The following SP1 variants were observed in gnomAD, a reference collection of about 807,000 sequenced individuals.
SP1 encodes the protein Sp1 transcription factor.
SP1 carries 6 observed loss-of-function variants against 66.3 expected under a neutral mutation model. The ratio of observed to expected loss-of-function variants is 0.09; its 90% confidence interval spans 0.05 to 0.18. The LOEUF is 0.18. Among genes scored for constraint, SP1 ranks in the 10% least tolerant of loss-of-function variants. The pLI, the probability that SP1 is intolerant of heterozygous loss-of-function variation, is 1.00. For synonymous variants in SP1, 417 were observed against 360.8 expected, an observed-to-expected ratio of 1.16 and a Z score of -1.77; for missense variants, 848 against 964.5, an observed-to-expected ratio of 0.88 and a Z score of 1.60.
chr12:53,380,548 G>A (rs1379532158), intron 1 of SP1: 4 of 683,532 alleles, frequency 5.9e-6, no homozygotes, highest in Non-Finnish European at 3.8e-6. Flanking sequence ...TGCCCGCCCC[G>A]GCCACGGGGG....
In SP1 at chr12:53,383,496, A is replaced by G. The variant is rs955320750; in HGVS notation, c.1549A>G (p.Thr517Ala). Residue 517 changes from threonine (T) to alanine (A), a missense_variant, in exon 3 of 6, where the codon ACT (threonine) becomes GCT (alanine). This residue lies in a region of SP1 where 606 missense variants were observed against 589.9 expected (regional missense o/e 1.03). Coordinates refer to ENST00000327443, the MANE Select transcript of SP1 (RefSeq NM_138473.3). Reference sequence around the variant, plus strand: ...TGCTTCCATTCCTGCTGGCACAGTCACTGTGAATGCTGCTCAACTCTCCTC... The same window carrying G: ...TGCTTCCATTCCTGCTGGCACAGTCGCTGTGAATGCTGCTCAACTCTCCTC... ...SAASIPAGTV[T>A]VNAAQLSSMP... 4 of 1,614,162 alleles carry G rather than the reference A, an allele frequency of 2.5e-6. No individual in the cohort carries two copies. Among genetic ancestry groups the G allele is most frequent in the Non-Finnish European group, 3.4e-6 (4 of 1,180,032 alleles).
At chr12:53,388,888 G>C (rs1431522065) in intron 3 of SP1, among the ~76,000 whole-genome samples, 4 of 151,756 alleles carry the variant, frequency 2.6e-5, no homozygotes, top group African/African-American at 9.7e-5. Context: ...GCTGAGGTGG[G>C]AGGATTGCCT....
rs1423508015 is a variant in SP1 at position 53,411,103 on chromosome 12, T to C, written c.2221T>C (p.Ser741Pro). Reference protein sequence around the residue: ...GSEGSGTATPSALITTNMVAM... With the variant: ...GSEGSGTATPPALITTNMVAM... ...AGAAGGCAGTGGCACTGCCACTCCT[T>C]CAGCCCTTATTACCACCAATATGGT... The change falls in exon 6 of 6, where the codon TCA (serine) becomes CCA (proline). Residue 741 changes from serine to proline, a missense_variant. This residue lies in a region of SP1 where 73 missense variants were observed against 91.9 expected (regional missense o/e 0.79). Coordinates refer to ENST00000327443, the MANE Select transcript of SP1 (RefSeq NM_138473.3). 6.2e-7 allele frequency: 1 copy of C among 1,614,218 alleles called. No individual in the cohort carries two copies. The highest frequency in any genetic ancestry group is 1.7e-5 in the Admixed American group (1 of 60,028).
rs761474696 is a variant in SP1, at chr12:53,380,252, C to T, written c.-40C>T. 23 of 1,519,088 alleles carry T rather than the reference C, an allele frequency of 1.5e-5. No individual in the cohort carries two copies. Among genetic ancestry groups the T allele is most frequent in the Non-Finnish European group, 2.1e-5 (23 of 1,096,482 alleles). The allele number at this position is 1,519,088 out of a possible 1,614,324, so 94.1% of individuals were successfully genotyped here. A position where few individuals can be genotyped will look rare whatever the true frequency, so the allele number is the denominator to read the frequency against. ...TTTTTCCCGGCCCCCCCCAACCCCC[C>T]CGGACAGGACCCCCTTGAGCTTGTC... On this transcript the variant is annotated 5_prime_UTR_variant, in exon 1 of 6. Transcript: ENST00000327443.
chr12:53,393,347 C>T (rs941287152), intron 3 of SP1, among the ~76,000 whole-genome samples: 1 of 150,562 alleles, frequency 6.6e-6, no homozygotes, highest in Non-Finnish European at 1.5e-5. Flanking sequence ...TGCCCAGGCG[C>T]GATCTCTGCT....
At chr12:53,400,435 T>G (rs1938585821) in intron 3 of SP1, among the ~76,000 whole-genome samples, 2 of 152,230 alleles carry the variant, frequency 1.3e-5, no homozygotes, top group Admixed American at 6.5e-5. Context: ...TTGGGTTGTT[T>G]CTGTGTTTTA....
intron 3 of SP1, among the ~76,000 whole-genome samples, chr12:53,395,072 G>T (rs1464357231): frequency 1.3e-5 from 2 of 152,108 alleles, no homozygotes; most frequent in Non-Finnish European, 2.9e-5. Context: ...CAAGTGCAGT[G>T]GCTCATGTCT....
intron 3 of SP1, among the ~76,000 whole-genome samples, chr12:53,389,110 A>G (rs1450701534): frequency 6.6e-6 from 1 of 152,060 alleles, no homozygotes; most frequent in Admixed American, 6.6e-5. Flanking sequence ...TGTATGATAC[A>G]TGTATATATC....
intron 3 of SP1, among the ~76,000 whole-genome samples, chr12:53,395,509 A>G (rs1272047468): frequency 1.3e-5 from 2 of 152,244 alleles, no homozygotes; most frequent in Non-Finnish European, 2.9e-5. Context: ...GCTGAACACC[A>G]GTATACTTAG....
At chr12:53,387,425 A>G (rs1335805490) in intron 3 of SP1, among the ~76,000 whole-genome samples, 1 of 152,170 alleles carries the variant, frequency 6.6e-6, no homozygotes, top group Non-Finnish European at 1.5e-5. Flanking sequence ...AAGTTCCCTG[A>G]TTTCTTACAT....
chr12:53,381,659 A>G lies in SP1; in HGVS notation c.8A>G (p.Asp3Gly), dbSNP rs1369057092. Residue 3 changes from aspartate (D) to glycine (G), a missense_variant and splice_region_variant, in exon 2 of 6, where the codon GAC becomes GGC. This residue lies in a region of SP1 where 84 missense variants were observed against 73.9 expected (regional missense o/e 1.14). Coordinates refer to ENST00000327443, the MANE Select transcript of SP1 (RefSeq NM_138473.3). ...GTTGTTTGTTTTTTAATTATTTTAG[A>G]CCAAGATCACTCCATGGATGAAATG... is the stretch of plus-strand genomic sequence containing the variant. MS[D>G]QDHSMDEMTA... The G allele has an allele frequency of 6.2e-7, 1 of 1,604,584 alleles. No homozygotes were observed. The highest frequency in any genetic ancestry group is 1.3e-5 in the African/African-American group (1 of 74,160).
At chr12:53,409,962 A>G (rs1938841030) in intron 5 of SP1, among the ~76,000 whole-genome samples, 1 of 151,870 alleles carries the variant, frequency 6.6e-6, no homozygotes, top group African/African-American at 2.4e-5. Context: ...ATGAGCCAAG[A>G]TCGTGCCACT....
Position 53,411,179 on chromosome 12 carries a change from G to A in SP1, c.2297G>A (p.Gly766Asp), listed in dbSNP as rs748677271. Reference protein sequence around the residue: ...PEGIARLANSGINVMQVADLQ... With the variant: ...PEGIARLANSDINVMQVADLQ... ...GGCATTGCCCGTCTTGCCAACAGTG[G>A]CATCAACGTCATGCAGGTGGCAGAT... The change falls in exon 6 of 6, where the codon GGC becomes GAC. Residue 766 changes from glycine (G) to aspartate (D), a missense_variant. Gly to Asp is a moderately conservative substitution (Grantham distance 94). Around this residue, in one of 7 missense-constraint regions of SP1, gnomAD observed 73 missense variants for 91.9 expected, o/e 0.79. Coordinates refer to ENST00000327443, the MANE Select transcript of SP1 (RefSeq NM_138473.3). 10 of 1,613,964 alleles carry A rather than the reference G, an allele frequency of 6.2e-6. No homozygotes were observed. Among genetic ancestry groups the A allele is most frequent in the Non-Finnish European group, 7.6e-6 (9 of 1,180,022 alleles).
In SP1 at chr12:53,387,105, C is replaced by T. The variant is rs187181745; in HGVS notation, c.1675+3483C>T. Among the ~76,000 whole-genome samples, 342 of 152,088 alleles carry T rather than the reference C, an allele frequency of 2.2e-3. 2 individuals are homozygous for T. Among genetic ancestry groups the T allele is most frequent in the African/African-American group, 8.0e-3 (330 of 41,490 alleles). On this transcript the variant is annotated intron_variant, in intron 3 of 5. Coordinates refer to ENST00000327443, the MANE Select transcript of SP1 (RefSeq NM_138473.3). Reference sequence around the variant, plus strand: ...AGCTGGGATTACAGGCACGTCCCACCATGCCCATTAATTTTTTGTATTTTT... The same window carrying T: ...AGCTGGGATTACAGGCACGTCCCACTATGCCCATTAATTTTTTGTATTTTT...
Position 53,382,700 on chromosome 12 carries a change from G to A in SP1, c.753G>A (p.Gln251=). ...LANNVLSGQT[Q]YVTNVPVALN... is the part of the protein sequence containing the mutation. ...ATAATGTACTCTCAGGACAGACTCA[G>A]TATGTGACCAATGTACCAGTGGCCC... The change falls in exon 3 of 6, where the codon CAG becomes CAA. Residue 251 remains glutamine (Q), a synonymous_variant. Transcript: ENST00000327443. 1 of 1,614,168 alleles carries A rather than the reference G, an allele frequency of 6.2e-7. No homozygotes were observed. The highest frequency in any genetic ancestry group is 8.5e-7 in the Non-Finnish European group (1 of 1,180,028).
At chr12:53,402,372 C>T (rs991817096) in intron 3 of SP1, among the ~76,000 whole-genome samples, 2 of 151,894 alleles carry the variant, frequency 1.3e-5, no homozygotes, top group African/African-American at 4.8e-5. Flanking sequence ...TACAGGCATG[C>T]GCCACCATGC....
At chr12:53,397,169 G>A (rs1258965981) in intron 3 of SP1, among the ~76,000 whole-genome samples, 5 of 151,564 alleles carry the variant, frequency 3.3e-5, no homozygotes, top group South Asian at 2.1e-4. Context: ...CTGCCACCAC[G>A]CCTGGCTAAT....
Position 53,411,683 on chromosome 12 carries a change from T to C in SP1, c.*443T>C, listed in dbSNP as rs970036418. 2 of 148,860 alleles carry C rather than the reference T, an allele frequency of 1.3e-5. No individual in the cohort carries two copies. Among genetic ancestry groups the C allele is most frequent in the African/African-American group, 2.5e-5 (1 of 40,674 alleles). 9.2% of individuals were successfully genotyped at this position (148,860 alleles called of 1,614,324 possible). On this transcript the variant is annotated 3_prime_UTR_variant, in exon 6 of 6. Transcript: ENST00000327443. ...ATATATATATATATATATAAAGATA[T>C]ATAGAGATGCATTCACAGGGGTTGG... is the stretch of plus-strand genomic sequence containing the variant.
At chr12:53,380,510 A>C in intron 1 of SP1, 1 of 446,902 alleles carries the variant, frequency 2.2e-6, no homozygotes, top group Non-Finnish European at 3.3e-6. Flanking sequence ...GCCCCGGGGG[A>C]GGGGGCAGCG....
Sources: allele counts gnomAD v4.1 joint callset (sites outside exome capture counted in the v4.1 genomes callset), GRCh38; gene constraint gnomAD v4.1.1; regional missense constraint gnomAD v4.1.1; transcripts MANE v1.5; gene names NCBI Gene and HGNC (gene_info 2026-07-23, HGNC 2026-07-21).